PFKFB3: variants seen among roughly 807,000 people sequenced by gnomAD.
The protein encoded by PFKFB3 is 6-phosphofructo-2-kinase/fructose-2,6-bisphosphatase 3.
A neutral mutation model predicts 68.0 loss-of-function variants in PFKFB3; 33 were observed. That is an observed-to-expected ratio of 0.49 (90% CI 0.37 to 0.65). PFKFB3 has a LOEUF of 0.65. Among genes scored for constraint, PFKFB3 ranks in the 30% least tolerant of loss-of-function variants. The pLI, the probability that PFKFB3 is intolerant of heterozygous loss-of-function variation, is 0.00. For synonymous variants in PFKFB3, 315 were observed against 288.2 expected (o/e 1.09, Z -0.94); for missense variants, 586 against 712.2 (o/e 0.82, Z 2.02).
the PFKFB3 span, among the ~76,000 whole-genome samples, chr10:6,275,873 G>T: frequency 3.3e-5 from 5 of 152,054 alleles, no homozygotes; most frequent in African/African-American, 1.2e-4. This position sits in a 1 kb window ranked among gnomAD's most constrained non-coding sequence, Gnocchi z 4.9. Context: ...TCAAATACAC[G>T]CAGGGGTTAT....
intron 1 of PFKFB3, among the ~76,000 whole-genome samples, chr10:6,195,176 T>A (rs1423249182): frequency 6.6e-6 from 1 of 152,172 alleles, no homozygotes; most frequent in Non-Finnish European, 1.5e-5. Flanking sequence ...TCGCCTCCTG[T>A]TCCTTTTTCA....
chr10:6,297,553 G>T, the PFKFB3 span, among the ~76,000 whole-genome samples: 1 of 152,054 alleles, frequency 6.6e-6, no homozygotes, highest in Non-Finnish European at 1.5e-5. Flanking sequence ...GGTAGGGACA[G>T]GTAAGGAAGC....
At chr10:6,303,731 C>T in the PFKFB3 span, among the ~76,000 whole-genome samples, 3 of 146,180 alleles carry the variant, frequency 2.1e-5, no homozygotes, top group Non-Finnish European at 4.5e-5. Context: ...ATCCCAGAGG[C>T]AGAGCTTGCA....
chr10:6,309,635 C>A, the PFKFB3 span, among the ~76,000 whole-genome samples: 1 of 151,822 alleles, frequency 6.6e-6, no homozygotes, highest in Admixed American at 6.6e-5. Flanking sequence ...CCCTCACCCC[C>A]GCCGGCCACC....
intron 1 of PFKFB3, 84 bp downstream of exon 1, chr10:6,203,420 C>T: frequency 7.0e-6 from 7 of 1,002,508 alleles, no homozygotes; most frequent in Middle Eastern, 3.4e-4. Context: ...TGCCGACGCC[C>T]CTCTGCGGGG....
chr10:6,270,316 T>C, the PFKFB3 span, among the ~76,000 whole-genome samples: 1 of 152,188 alleles, frequency 6.6e-6, no homozygotes, highest in African/African-American at 2.4e-5. Context: ...TTTTTCCCAT[T>C]TCATATGAGA....
At chr10:6,231,351 G>A (rs371301423) in intron 14 of PFKFB3, 80 of 1,611,282 alleles carry the variant, frequency 5.0e-5, no homozygotes, top group Admixed American at 2.2e-4. Context: ...GTCCCGCACC[G>A]CGTCACGGCA....
At position 6,155,197 on chromosome 10, in the gene PFKFB3, G is replaced by GC. The variant is rs368790778; in HGVS notation, c.16+10184_16+10185insC. On this transcript the variant is annotated intron_variant, in intron 1 of 14. Transcript: ENST00000379789. Reference sequence around the variant, plus strand: ...CAAGCTGGGAGAAAAGCACTTACGAGTTTTTTTCTTTTTTTTTTTTTTTGA... The same window carrying GC: ...CAAGCTGGGAGAAAAGCACTTACGAGCTTTTTTTCTTTTTTTTTTTTTTTGA... Among the ~76,000 whole-genome samples, 5 of 101,390 alleles carry GC rather than the reference G, an allele frequency of 4.9e-5. 1 individual carries two copies. The highest frequency in any genetic ancestry group is 1.4e-4 in the African/African-American group (5 of 35,774). The allele number at this position is 101,390 out of a possible 152,430, so 66.5% of individuals were successfully genotyped here. A position where few individuals can be genotyped will look rare whatever the true frequency, so the allele number is the denominator to read the frequency against.
intron 1 of PFKFB3, among the ~76,000 whole-genome samples, chr10:6,193,709 A>G (rs1245243666): frequency 6.6e-6 from 1 of 152,276 alleles, no homozygotes; most frequent in East Asian, 1.9e-4. Flanking sequence ...AGGTTTTGGG[A>G]TAGGCGGTGG....
At chr10:6,242,262 G>GTGGACTCA (rs1489119983) in intron 14 of PFKFB3, among the ~76,000 whole-genome samples, 1 of 152,006 alleles carries the variant, frequency 6.6e-6, no homozygotes, top group Admixed American at 6.6e-5. Context: ...TTATACTACT[G>GTGGACTCA]TGGACTCATG....
Position 6,202,998 on chromosome 10 carries a change from G to C in PFKFB3, c.-263G>C. Reference sequence around the variant, plus strand: ...AGAGCGCGGCTGTCACTGCGCCCGAGCATCCCAGAGCTTTCCGAGCGGACG... The same window carrying C: ...AGAGCGCGGCTGTCACTGCGCCCGACCATCCCAGAGCTTTCCGAGCGGACG... On this transcript the variant is annotated 5_prime_UTR_variant, in exon 1 of 15. Transcript: ENST00000379775. 4.5e-6 allele frequency: 6 copies of C among 1,321,964 alleles called. No homozygotes were observed. Among genetic ancestry groups the C allele is most frequent in the Non-Finnish European group, 5.8e-6 (6 of 1,038,672 alleles). The allele number at this position is 1,321,964 out of a possible 1,614,324, so 81.9% of individuals were successfully genotyped here. A position where few individuals can be genotyped will look rare whatever the true frequency, so the allele number is the denominator to read the frequency against.
the PFKFB3 span, among the ~76,000 whole-genome samples, chr10:6,299,777 T>C: frequency 6.6e-6 from 1 of 152,126 alleles, no homozygotes; most frequent in Non-Finnish European, 1.5e-5. Context: ...TCAGCAGAGA[T>C]GGCACCCCCT....
the PFKFB3 span, among the ~76,000 whole-genome samples, chr10:6,312,473 T>C: frequency 6.6e-6 from 1 of 152,138 alleles, no homozygotes; most frequent in Non-Finnish European, 1.5e-5. Context: ...GCCATCTGCC[T>C]GGGGTGCAGG....
chr10:6,178,484 G>C, intron 1 of PFKFB3, among the ~76,000 whole-genome samples: 1 of 152,202 alleles, frequency 6.6e-6, no homozygotes, highest in Non-Finnish European at 1.5e-5. Flanking sequence ...GAGCTTTGGG[G>C]CCAGGAAGGC....
the PFKFB3 span, among the ~76,000 whole-genome samples, chr10:6,289,995 G>T: frequency 6.6e-6 from 1 of 152,008 alleles, no homozygotes; most frequent in Non-Finnish European, 1.5e-5. Context: ...TCATGATTTG[G>T]CTCTCTGTTT....
chr10:6,179,803 G>C (rs1229207462), intron 1 of PFKFB3, among the ~76,000 whole-genome samples: 1 of 152,152 alleles, frequency 6.6e-6, no homozygotes, highest in African/African-American at 2.4e-5. Flanking sequence ...AACCACGAGA[G>C]CCCACCTTCC....
chr10:6,242,741 C>T (rs1251947017), intron 14 of PFKFB3, among the ~76,000 whole-genome samples: 1 of 152,170 alleles, frequency 6.6e-6, no homozygotes, highest in African/African-American at 2.4e-5. Context: ...GTGCACACTA[C>T]CACACCCAGC....
chr10:6,157,518 G>A (rs1005980585), intron 1 of PFKFB3, among the ~76,000 whole-genome samples: 9 of 152,150 alleles, frequency 5.9e-5, no homozygotes, highest in Admixed American at 4.6e-4. Context: ...GAGCCACGGC[G>A]CCCAGCCAAT....
chr10:6,313,232 C>A, the PFKFB3 span, among the ~76,000 whole-genome samples: 1 of 152,140 alleles, frequency 6.6e-6, no homozygotes, highest in Non-Finnish European at 1.5e-5. The surrounding 1 kb of genome is among the most constrained non-coding windows in gnomAD (Gnocchi z 4.2). Flanking sequence ...GATTTTATTG[C>A]CATTTACTGC....
Sources: allele counts gnomAD v4.1 joint callset (sites outside exome capture counted in the v4.1 genomes callset), GRCh38; gene constraint gnomAD v4.1.1; non-coding constraint Gnocchi (gnomAD v3.1); transcripts MANE v1.5; gene names NCBI Gene and HGNC (gene_info 2026-07-23, HGNC 2026-07-21).